Variants in PIK3R3 observed in about 807,000 individuals in gnomAD.
The protein encoded by PIK3R3 is phosphatidylinositol 3-kinase regulatory subunit gamma.
PIK3R3 carries 64 observed loss-of-function variants against 62.9 expected under a neutral mutation model. That is an observed-to-expected ratio of 1.02 (90% CI 0.83 to 1.25). The LOEUF (loss-of-function observed/expected upper bound fraction) is 1.25. Among genes scored for constraint, PIK3R3 ranks in the 50% most tolerant of loss-of-function variants. The pLI is 0.00. For synonymous variants in PIK3R3, 165 were observed against 189.0 expected, an observed-to-expected ratio of 0.87 and a Z score of 1.04; for missense variants, 614 against 561.6, an observed-to-expected ratio of 1.09 and a Z score of -0.94.
intron 1 of PIK3R3, among the ~76,000 whole-genome samples, chr1:46,104,343 A>C (rs1357942840): frequency 1.3e-5 from 2 of 152,226 alleles, no homozygotes; most frequent in African/African-American, 4.8e-5. Flanking sequence ...AAAATTAAAA[A>C]GATTTTCAAC....
chr1:46,048,616 C>T (rs1396326611), intron 7 of PIK3R3, among the ~76,000 whole-genome samples: 1 of 152,134 alleles, frequency 6.6e-6, no homozygotes, highest in Non-Finnish European at 1.5e-5. Context: ...GAATGCACGA[C>T]ATTTTCTCTT....
At chr1:46,121,162 T>C (rs1463537703) in intron 1 of PIK3R3, among the ~76,000 whole-genome samples, 1 of 152,234 alleles carries the variant, frequency 6.6e-6, no homozygotes, top group Non-Finnish European at 1.5e-5. Context: ...TTTATTATTT[T>C]TAAAGCCATT....
chr1:46,077,944 A>G (rs374176952), intron 2 of PIK3R3, among the ~76,000 whole-genome samples: 2 of 152,224 alleles, frequency 1.3e-5, no homozygotes, highest in African/African-American at 4.8e-5. Flanking sequence ...TCAGGAAAAA[A>G]ACAGTGGCTG....
At chr1:46,048,883 G>C (rs1056323607) in intron 7 of PIK3R3, among the ~76,000 whole-genome samples, 2 of 152,154 alleles carry the variant, frequency 1.3e-5, no homozygotes, top group Non-Finnish European at 2.9e-5. Flanking sequence ...GCCAGGAGTT[G>C]ATTAGATTTT....
intron 7 of PIK3R3, among the ~76,000 whole-genome samples, chr1:46,053,970 C>T (rs1303513501): frequency 6.6e-6 from 1 of 152,134 alleles, no homozygotes; most frequent in Non-Finnish European, 1.5e-5. Flanking sequence ...GCCTTGTTTA[C>T]AAAGCTCTTC....
At chr1:46,111,537 C>T (rs562492711) in intron 1 of PIK3R3, among the ~76,000 whole-genome samples, 2 of 152,196 alleles carry the variant, frequency 1.3e-5, no homozygotes, top group East Asian at 3.9e-4. Context: ...ACCAGCCTGG[C>T]CAACATGATA....
At chr1:46,149,728 GCCAAGTTGGCCAGGCTGATCTCAAA>G in the PIK3R3 span, among the ~76,000 whole-genome samples, 5 of 152,058 alleles carry the variant, frequency 3.3e-5, no homozygotes, top group South Asian at 6.2e-4. Context: ...GCGGGATTTC[GCCAAGTTGGCCAGGCTGATCTCAAA>G]CTCCTGACGT....
chr1:46,122,031 C>G (rs907097812), intron 1 of PIK3R3, among the ~76,000 whole-genome samples: 3 of 151,870 alleles, frequency 2.0e-5, no homozygotes, highest in African/African-American at 7.3e-5. Context: ...AACTTGTGAT[C>G]ATGCCAATGC....
intron 7 of PIK3R3, among the ~76,000 whole-genome samples, chr1:46,048,636 T>G (rs1647179044): frequency 6.6e-6 from 1 of 152,150 alleles, no homozygotes; most frequent in Non-Finnish European, 1.5e-5. Context: ...TGAATCCCCA[T>G]TTTCTTTTAA....
At chr1:46,049,814 A>G (rs902981080) in intron 7 of PIK3R3, among the ~76,000 whole-genome samples, 3 of 152,044 alleles carry the variant, frequency 2.0e-5, no homozygotes, top group Non-Finnish European at 4.4e-5. Context: ...AATAAATTTA[A>G]TTAAAAAAAA....
chr1:46,112,892 T>C (rs956697587), intron 1 of PIK3R3, among the ~76,000 whole-genome samples: 1 of 152,142 alleles, frequency 6.6e-6, no homozygotes, highest in Non-Finnish European at 1.5e-5. Context: ...CTTCCTCAAC[T>C]TGCTTCTCTT....
intron 1 of PIK3R3, among the ~76,000 whole-genome samples, chr1:46,096,143 G>A (rs1288071465): frequency 6.6e-6 from 1 of 152,162 alleles, no homozygotes; most frequent in Admixed American, 6.5e-5. Flanking sequence ...GAGTGGGCAC[G>A]CATATACACT....
intron 8 of PIK3R3, 35 bp from the exon 9 acceptor site, chr1:46,046,123 G>C: frequency 7.8e-7 from 1 of 1,285,936 alleles, no homozygotes; most frequent in Non-Finnish European, 1.1e-6. Context: ...ATTCTAACAA[G>C]TTACTTCTAT....
chr1:46,132,503 A>G lies in PIK3R3; in HGVS notation c.-551T>C. 1.3e-5 allele frequency: 16 copies of G among 1,228,164 alleles called. No individual in the cohort carries two copies. The highest frequency in any genetic ancestry group is 1.7e-5 in the Non-Finnish European group (16 of 958,388). 76.1% of individuals were successfully genotyped at this position (1,228,164 alleles called of 1,614,324 possible). A position where few individuals can be genotyped will look rare whatever the true frequency, so the allele number is the denominator to read the frequency against. ...CGGGCTCCTCTCCGGTCGGTCTCGG[A>G]ACCGAAGCTGCCGCAGCCTCGGGAA... On this transcript the variant is annotated 5_prime_UTR_variant, in exon 1 of 10. Coordinates refer to ENST00000262741, the MANE Select transcript of PIK3R3 (RefSeq NM_003629.4).
chr1:46,154,357 CA>C, the PIK3R3 span, among the ~76,000 whole-genome samples: 33 of 152,156 alleles, frequency 2.2e-4, 1 homozygote, highest in South Asian at 3.9e-3. Flanking sequence ...TGCTTGAGCC[CA>C]GCAGTTCGAG....
intron 1 of PIK3R3, among the ~76,000 whole-genome samples, chr1:46,092,046 C>A (rs991095475): frequency 1.3e-5 from 2 of 152,086 alleles, no homozygotes; most frequent in Admixed American, 6.6e-5. Flanking sequence ...AGCGGGCCCA[C>A]CATATTTCCT....
In PIK3R3 at chr1:46,080,743, T is replaced by C; in HGVS notation, c.114A>G (p.Pro38=). ...FYIEMDPPAL[P]PKPPKPMTSA... is the part of the protein sequence containing the mutation. ...AAGTCATTGGCTTAGGTGGCTTTGG[T>C]GGAAGAGCTAGAAGAGAAATGAATA... Residue 38 remains proline (P), a synonymous_variant, in exon 2 of 10, where the codon CCA becomes CCG. Coordinates refer to ENST00000262741, the MANE Select transcript of PIK3R3 (RefSeq NM_003629.4). 2 of 1,607,440 alleles carry C rather than the reference T, an allele frequency of 1.2e-6. No homozygotes were observed. The highest frequency in any genetic ancestry group is 8.5e-7 in the Non-Finnish European group (1 of 1,173,898).
Position 46,077,589 on chromosome 1 carries a change from C to A in PIK3R3, c.240G>T (p.Arg80=). ...ISREEVNDKL[R]DMPDGTFLVR... ...CCAAGAAGGTCCCATCTGGCATATC[C>A]CGCAATTTGTCATTTACCTCCTCCC... is the stretch of plus-strand genomic sequence containing the variant. Residue 80 remains arginine, a synonymous_variant, in exon 3 of 10, where the codon CGG becomes CGT. Coordinates refer to ENST00000262741, the MANE Select transcript of PIK3R3 (RefSeq NM_003629.4). 1 of 1,609,954 alleles carries A rather than the reference C, an allele frequency of 6.2e-7. No homozygotes were observed. Among genetic ancestry groups the A allele is most frequent in the Non-Finnish European group, 8.5e-7 (1 of 1,176,366 alleles).
intron 1 of PIK3R3, among the ~76,000 whole-genome samples, chr1:46,098,234 A>G (rs1174852083): frequency 6.6e-6 from 1 of 152,226 alleles, no homozygotes; most frequent in African/African-American, 2.4e-5. Context: ...CCACTAGGAT[A>G]GCTATAATCA....
Sources: gnomAD v4.1 joint callset for allele counts (sites outside exome capture counted in the v4.1 genomes callset) on GRCh38, gnomAD v4.1.1 for gene constraint, MANE v1.5 for transcripts, NCBI Gene and HGNC (gene_info 2026-07-23, HGNC 2026-07-21) for gene names.